The following RNF212 variants were observed in gnomAD, a reference collection of about 807,000 sequenced individuals.
RNF212 encodes the protein probable E3 SUMO-protein ligase RNF212.
A neutral mutation model predicts 34.7 loss-of-function variants in RNF212; 33 were observed. The observed-to-expected ratio is 0.95, with a 90% CI of 0.72 to 1.27. The LOEUF is 1.27. RNF212 is among the 50% of genes most tolerant of loss of function. The pLI is 0.00. For synonymous variants in RNF212, 140 were observed against 136.1 expected, an observed-to-expected ratio of 1.03 and a Z score of -0.20; for missense variants, 377 against 362.2, an observed-to-expected ratio of 1.04 and a Z score of -0.33.
intron 2 of RNF212, chr4:1,100,739 A>C (rs953657911): frequency 2.0e-5 from 3 of 152,354 alleles, no homozygotes; most frequent in Non-Finnish European, 4.4e-5. Context: ...CCAACTTTTG[A>C]CTAACAAATG....
At chr4:1,071,037 AT>A (rs1284810663), downstream of RNF212, among the ~76,000 whole-genome samples, 2 of 150,616 alleles carry the variant, frequency 1.3e-5, no homozygotes, top group East Asian at 1.9e-4. Flanking sequence ...TAAAAAACTA[AT>A]TTTTTTAAAT....
At chr4:1,078,718 C>T (rs1719741285) in intron 8 of RNF212, among the ~76,000 whole-genome samples, 2 of 152,258 alleles carry the variant, frequency 1.3e-5, no homozygotes, top group South Asian at 4.1e-4. Context: ...CAGCACGGGA[C>T]CAACATGGGA....
chr4:1,083,225 T>C (rs1720637352), intron 5 of RNF212, among the ~76,000 whole-genome samples: 1 of 151,696 alleles, frequency 6.6e-6, no homozygotes, highest in African/African-American at 2.4e-5. Flanking sequence ...GTAAGGAAAA[T>C]AAAAAGGCTG....
chr4:1,096,725 T>C, intron 3 of RNF212, 40 bp downstream of exon 3: 1 of 1,428,214 alleles, frequency 7.0e-7, no homozygotes. Flanking sequence ...ATAGTGCACC[T>C]GGCTCATCAC....
chr4:1,112,004 T>C (rs1170017297), intron 1 of RNF212, among the ~76,000 whole-genome samples: 1 of 152,140 alleles, frequency 6.6e-6, no homozygotes, highest in Non-Finnish European at 1.5e-5. Flanking sequence ...AGGACAGGAA[T>C]TGGAGACCAT....
chr4:1,094,053 C>T (rs750937143), intron 3 of RNF212: 2 of 1,336,698 alleles, frequency 1.5e-6, no homozygotes, highest in South Asian at 2.8e-5. Flanking sequence ...CAAGGAAGCT[C>T]CCAGAGGAGG....
intron 1 of RNF212, among the ~76,000 whole-genome samples, chr4:1,108,954 G>A (rs1725239066): frequency 6.6e-6 from 1 of 150,754 alleles, no homozygotes; most frequent in Non-Finnish European, 1.5e-5. Context: ...TCCCACCTCA[G>A]CCTCCCAAAG....
chr4:1,077,445 C>G (rs557461318), intron 8 of RNF212, among the ~76,000 whole-genome samples: 14 of 152,248 alleles, frequency 9.2e-5, no homozygotes, highest in Middle Eastern at 3.4e-3. Context: ...GTTGCCCAGG[C>G]TGGTCTTAAA....
chr4:1,077,662 G>T (rs184043580), intron 8 of RNF212, among the ~76,000 whole-genome samples: 2 of 152,232 alleles, frequency 1.3e-5, no homozygotes, highest in Non-Finnish European at 2.9e-5. Context: ...GAGTTCATCC[G>T]TGAAACAAGG....
At chr4:1,075,972 T>C (rs901078425) in intron 8 of RNF212, among the ~76,000 whole-genome samples, 4 of 152,242 alleles carry the variant, frequency 2.6e-5, no homozygotes, top group African/African-American at 4.8e-5. Context: ...ACCTCATAAG[T>C]TGAAGGAAGT....
At chr4:1,094,856 C>CAGT (rs1410575652) in intron 3 of RNF212, among the ~76,000 whole-genome samples, 4 of 152,184 alleles carry the variant, frequency 2.6e-5, no homozygotes, top group Admixed American at 2.0e-4. Context: ...CTGACTGAGA[C>CAGT]CACTTTGTCT....
At chr4:1,102,657 C>G (rs190450354) in intron 2 of RNF212, among the ~76,000 whole-genome samples, 1 of 151,210 alleles carries the variant, frequency 6.6e-6, no homozygotes, top group East Asian at 1.9e-4. Context: ...TCGAGACCAT[C>G]CTGGCTAACA....
chr4:1,082,739 T>C (rs904486311), intron 5 of RNF212, among the ~76,000 whole-genome samples: 1 of 152,212 alleles, frequency 6.6e-6, no homozygotes, highest in African/African-American at 2.4e-5. Flanking sequence ...GTGTTTGGCT[T>C]ACTCCGAATT....
At chr4:1,104,175 A>G (rs1414440028) in intron 2 of RNF212, among the ~76,000 whole-genome samples, 1 of 152,252 alleles carries the variant, frequency 6.6e-6, no homozygotes, top group African/African-American at 2.4e-5. Flanking sequence ...CTCCCTAAAG[A>G]ACAGTAAGTC....
In RNF212 at chr4:1,113,474, G is replaced by C. The variant is rs937397470; in HGVS notation, c.-10C>G. 6.2e-7 allele frequency: 1 copy of C among 1,604,262 alleles called. No homozygotes were observed. Among genetic ancestry groups the C allele is most frequent in the East Asian group, 2.3e-5 (1 of 44,048 alleles). On this transcript the variant is annotated 5_prime_UTR_variant, in exon 1 of 10. Transcript: ENST00000433731. Reference sequence around the variant, plus strand: ...ACACCCAGTTGGCCATGCCAGGCGGGCGACCGCAGCGGCGAGGCCGGGCCC... The same window carrying C: ...ACACCCAGTTGGCCATGCCAGGCGGCCGACCGCAGCGGCGAGGCCGGGCCC...
chr4:1,079,680 G>T lies in RNF212; in HGVS notation c.473C>A (p.Ser158Ter). ...PHSSAPDRLE[S>*]MEVDLSPSPI... ...AGAAGGAGAGAGATCAACTTCCATC[G>T]ACTCCAGTCTGTTAAACACATAGTG... The change falls in exon 8 of 10, where the codon TCG becomes TAG. Residue 158 changes from serine (S) to a stop codon, truncating the protein, a stop_gained. Coordinates refer to ENST00000433731, the MANE Select transcript of RNF212 (RefSeq NM_001131034.4). LOFTEE classifies it high-confidence loss of function. The T allele has an allele frequency of 6.2e-7, 1 of 1,610,830 alleles. No homozygotes were observed. The highest frequency in any genetic ancestry group is 1.1e-5 in the South Asian group (1 of 90,980).
At chr4:1,110,913 T>C (rs544958234) in intron 1 of RNF212, among the ~76,000 whole-genome samples, 110 of 152,346 alleles carry the variant, frequency 7.2e-4, no homozygotes, top group Admixed American at 1.2e-3. Context: ...CCTCAGGCTT[T>C]AAGAGCTAGG....
intron 2 of RNF212, chr4:1,101,262 TG>T: frequency 3.0e-6 from 1 of 336,490 alleles, no homozygotes; most frequent in South Asian, 3.1e-5. Context: ...TATATCCTTC[TG>T]GTCTTTTGTC....
intron 5 of RNF212, chr4:1,081,879 C>T (rs1253470949): frequency 2.1e-6 from 1 of 475,666 alleles, no homozygotes; most frequent in Non-Finnish European, 3.8e-6. Context: ...AACTGTCACT[C>T]AGCACATGGC....
Sources: allele counts gnomAD v4.1 joint callset (sites outside exome capture counted in the v4.1 genomes callset), GRCh38; gene constraint gnomAD v4.1.1; transcripts MANE v1.5; gene names NCBI Gene and HGNC (gene_info 2026-07-23, HGNC 2026-07-21).